Variants in TTC23 observed in about 807,000 individuals in gnomAD.
The protein encoded by TTC23 is tetratricopeptide repeat domain 23, also known as tetratricopeptide repeat protein 23.
Under a neutral mutation model 55.1 loss-of-function variants are expected in TTC23, and 58 were observed. The observed-to-expected ratio is 1.05, with a 90% CI of 0.85 to 1.31. The LOEUF (loss-of-function observed/expected upper bound fraction) is 1.31, where lower values mean the gene tolerates loss of function less well. Among genes scored for constraint, TTC23 ranks in the 50% most tolerant of loss-of-function variants. The pLI is 0.00. For synonymous variants in TTC23, 203 were observed against 199.9 expected, an observed-to-expected ratio of 1.02 and a Z score of -0.13; for missense variants, 516 against 534.4, an observed-to-expected ratio of 0.97 and a Z score of 0.34.
chr15:99,174,277 T>A (rs1263456032), intron 10 of TTC23, among the ~76,000 whole-genome samples: 1 of 152,206 alleles, frequency 6.6e-6, no homozygotes, highest in Non-Finnish European at 1.5e-5. Flanking sequence ...TTCTCCCATG[T>A]GCTGGCCTCA....
chr15:99,250,485 AC>A (rs1171583908), upstream of TTC23, among the ~76,000 whole-genome samples: 1 of 152,218 alleles, frequency 6.6e-6, no homozygotes. Flanking sequence ...CAGGCTTTCC[AC>A]AGAACAAAAA....
intron 8 of TTC23, among the ~76,000 whole-genome samples, chr15:99,210,911 A>G (rs1027274699): frequency 2.6e-5 from 4 of 152,204 alleles, no homozygotes; most frequent in Non-Finnish European, 5.9e-5. Flanking sequence ...CCCTTGCCAC[A>G]TCACTTCTCC....
At chr15:99,226,258 A>T (rs1245773138) in intron 5 of TTC23, among the ~76,000 whole-genome samples, 1 of 152,234 alleles carries the variant, frequency 6.6e-6, no homozygotes, top group Non-Finnish European at 1.5e-5. Flanking sequence ...TATTATACTG[A>T]CATTAATTTC....
chr15:99,209,847 A>T (rs2076903355), intron 8 of TTC23, among the ~76,000 whole-genome samples: 1 of 152,084 alleles, frequency 6.6e-6, no homozygotes, highest in Admixed American at 6.6e-5. Flanking sequence ...CAGTCCTCCT[A>T]CCTCAGCCTC....
At chr15:99,149,309 A>G (rs2069390302) in intron 12 of TTC23, among the ~76,000 whole-genome samples, 1 of 152,222 alleles carries the variant, frequency 6.6e-6, no homozygotes, top group South Asian at 2.1e-4. Flanking sequence ...ACGAGTGCCC[A>G]TCATTTCTCT....
chr15:99,152,834 G>T (rs1391610443), intron 12 of TTC23, among the ~76,000 whole-genome samples: 2 of 152,002 alleles, frequency 1.3e-5, no homozygotes, highest in African/African-American at 4.8e-5. Context: ...GTCTCACTTT[G>T]TCACTCAGGG....
intron 9 of TTC23, among the ~76,000 whole-genome samples, chr15:99,198,397 T>TA: frequency 6.6e-6 from 1 of 152,230 alleles, no homozygotes; most frequent in East Asian, 1.9e-4. Flanking sequence ...CTCCATGTCC[T>TA]ATCAATTCTG....
intron 9 of TTC23, among the ~76,000 whole-genome samples, chr15:99,185,519 CTT>C (rs1173209259): frequency 2.0e-5 from 3 of 152,132 alleles, no homozygotes; most frequent in Non-Finnish European, 4.4e-5. Flanking sequence ...TTTGGGAACT[CTT>C]GAGTGGCAGA....
intron 12 of TTC23, among the ~76,000 whole-genome samples, chr15:99,154,310 A>T (rs1413697093): frequency 6.6e-6 from 1 of 152,248 alleles, no homozygotes; most frequent in Non-Finnish European, 1.5e-5. Flanking sequence ...TAGCATACAG[A>T]ATCAACATCT....
intron 8 of TTC23, among the ~76,000 whole-genome samples, chr15:99,213,252 G>A (rs1239926823): frequency 6.6e-6 from 1 of 152,184 alleles, no homozygotes; most frequent in African/African-American, 2.4e-5. Context: ...TTATATCAGG[G>A]TGAAGAATTA....
At chr15:99,225,459 AG>A (rs1029812160) in intron 5 of TTC23, among the ~76,000 whole-genome samples, 4 of 152,312 alleles carry the variant, frequency 2.6e-5, no homozygotes, top group African/African-American at 9.6e-5. Context: ...TGGTAGCGCC[AG>A]GAAGTGGTTA....
At chr15:99,246,738 G>A (rs1333532525) in intron 1 of TTC23, among the ~76,000 whole-genome samples, 1 of 151,920 alleles carries the variant, frequency 6.6e-6, no homozygotes, top group African/African-American at 2.4e-5. Flanking sequence ...GGCCAACATG[G>A]TGAAGCCCCG....
At chr15:99,142,554 A>T (rs1476768826) in intron 12 of TTC23, among the ~76,000 whole-genome samples, 2 of 152,152 alleles carry the variant, frequency 1.3e-5, no homozygotes, top group Non-Finnish European at 1.5e-5. Context: ...GTTAGTTGAG[A>T]CAGTCTGAGG....
At chr15:99,235,296 A>G (rs2079225849) in intron 3 of TTC23, among the ~76,000 whole-genome samples, 1 of 151,944 alleles carries the variant, frequency 6.6e-6, no homozygotes, top group South Asian at 2.1e-4. Flanking sequence ...TATATATAAA[A>G]TAAAATTTCT....
chr15:99,225,685 T>C (rs1458199331), intron 5 of TTC23, among the ~76,000 whole-genome samples: 1 of 152,190 alleles, frequency 6.6e-6, no homozygotes, highest in African/African-American at 2.4e-5. Flanking sequence ...CAAACAAATG[T>C]TGAAATAATG....
At chr15:99,218,509 C>T (rs371605515) in intron 8 of TTC23, 79 bp downstream of exon 8, 4 of 1,581,874 alleles carry the variant, frequency 2.5e-6, no homozygotes, top group Non-Finnish European at 3.5e-6. Flanking sequence ...CATGGAGATG[C>T]TCCTCCTACC....
At chr15:99,203,372 G>C (rs901363477) in intron 8 of TTC23, among the ~76,000 whole-genome samples, 24 of 151,768 alleles carry the variant, frequency 1.6e-4, no homozygotes, top group African/African-American at 5.8e-4. Context: ...TATATGTATG[G>C]GGTGCATGTA....
chr15:99,155,946 T>TA (rs1567345112), intron 12 of TTC23: 1 of 610,528 alleles, frequency 1.6e-6, no homozygotes, highest in Non-Finnish European at 2.8e-6. Context: ...ATAATTCATT[T>TA]AAAAAATATG....
At chr15:99,156,082 A>C in intron 12 of TTC23, 66 bp downstream of exon 12, 1 of 1,603,286 alleles carries the variant, frequency 6.2e-7, no homozygotes, top group Non-Finnish European at 8.5e-7. Context: ...ACCACAAGGG[A>C]GAGAAATTGA....
Sources: allele counts gnomAD v4.1 joint callset (sites outside exome capture counted in the v4.1 genomes callset), GRCh38; gene constraint gnomAD v4.1.1; transcripts MANE v1.5; gene names NCBI Gene and HGNC (gene_info 2026-07-23, HGNC 2026-07-21).